The following NCALD variants were observed in gnomAD, a reference collection of about 807,000 sequenced individuals.
NCALD encodes neurocalcin-delta.
NCALD carries 10 observed loss-of-function variants against 18.6 expected under a neutral mutation model. The observed-to-expected ratio is 0.54, with a 90% confidence interval of 0.33 to 0.91. NCALD has a LOEUF of 0.91. Among genes scored for constraint, NCALD ranks in the 40% least tolerant of loss-of-function variants. The pLI is 0.03. For missense variants in NCALD, 184 were observed against 247.6 expected, an observed-to-expected ratio of 0.74 and a Z score of 1.72; for synonymous variants, 88 against 87.4, an observed-to-expected ratio of 1.01 and a Z score of -0.04.
intron 2 of NCALD, among the ~76,000 whole-genome samples, chr8:101,960,316 A>G (rs1819790426): frequency 6.6e-6 from 1 of 152,186 alleles, no homozygotes; most frequent in South Asian, 2.1e-4. Context: ...TACCCAGGGA[A>G]AAAATAAGTT....
intron 1 of NCALD, among the ~76,000 whole-genome samples, chr8:102,114,354 G>A (rs977024763): frequency 6.6e-6 from 1 of 152,192 alleles, no homozygotes; most frequent in Admixed American, 6.5e-5. Flanking sequence ...CTGTCCAAGG[G>A]TTACCAAATC....
chr8:101,941,052 C>T (rs1818938188), intron 2 of NCALD, among the ~76,000 whole-genome samples: 2 of 152,158 alleles, frequency 1.3e-5, no homozygotes, highest in Admixed American at 6.5e-5. Context: ...GAAATAATAA[C>T]AAATGTAATG....
chr8:101,858,465 T>C (rs1186992156), intron 4 of NCALD, among the ~76,000 whole-genome samples: 6 of 152,166 alleles, frequency 3.9e-5, no homozygotes, highest in Non-Finnish European at 8.8e-5. Flanking sequence ...ACCCCACAGC[T>C]AGGCAACTTC....
chr8:101,801,643 CTTTTTTTTTTTTTTTTTTTTTTTTTT>C (rs71268530), intron 4 of NCALD, among the ~76,000 whole-genome samples: 2,292 of 44,222 alleles, frequency 0.052, 101 homozygotes, highest in African/African-American at 0.11. Flanking sequence ...AGCACACTTA[CTTTTTTTTTTTTTTTTTTTTTTTTTT>C]TTTTTTTTTT....
chr8:101,885,069 G>C (rs145691134), intron 4 of NCALD, among the ~76,000 whole-genome samples: 239 of 152,272 alleles, frequency 1.6e-3, no homozygotes, highest in East Asian at 7.5e-3. Flanking sequence ...CTTTAGCTTA[G>C]AAAACTGCAG....
intron 2 of NCALD, among the ~76,000 whole-genome samples, chr8:101,952,336 C>T (rs1252577405): frequency 6.6e-6 from 1 of 152,228 alleles, no homozygotes; most frequent in Non-Finnish European, 1.5e-5. Flanking sequence ...TTACAAACTG[C>T]CTCTTCTCCG....
rs2275994 is a variant in NCALD, at chr8:101,688,002, C to T, written c.*1307G>A. 0.094 allele frequency: 14,359 copies of T among 152,284 alleles called. 745 individuals are homozygous for T. Among genetic ancestry groups the T allele is most frequent in the Middle Eastern group, 0.14 (40 of 294 alleles). The allele number at this position is 152,284 out of a possible 1,614,324, so 9.4% of individuals were successfully genotyped here. ...TATGATGAATTTGATGACTGCCCAA[C>T]CTCTGATTCTTTAACAGGGGCAGGG... On this transcript the variant is annotated 3_prime_UTR_variant, in exon 4 of 4. Transcript: ENST00000220931.
At chr8:101,804,898 G>A (rs1813043258) in intron 4 of NCALD, among the ~76,000 whole-genome samples, 1 of 151,174 alleles carries the variant, frequency 6.6e-6, no homozygotes, top group Admixed American at 6.6e-5. Flanking sequence ...TCTGAGAAAT[G>A]CCTGTACACT....
intron 2 of NCALD, among the ~76,000 whole-genome samples, chr8:101,965,679 G>A (rs1465130971): frequency 2.6e-5 from 4 of 152,036 alleles, no homozygotes; most frequent in African/African-American, 4.8e-5. Flanking sequence ...TGGGTTGATG[G>A]GTGCAGCAAA....
At position 101,845,608 on chromosome 8, in the gene NCALD, G is replaced by A. The variant is rs768374299; in HGVS notation, c.-20+41533C>T. Among the ~76,000 whole-genome samples the A allele has an allele frequency of 9.2e-5, 14 of 152,302 alleles. No homozygotes were observed. The South Asian group carries it at 1.7e-3, about 18-fold the overall frequency. ...TAATATTTTGATACAGGCATACAAC[G>A]TGTCATGGTAAAAGCTGGGTAATTG... On this transcript the variant is annotated intron_variant, in intron 4 of 6. Coordinates refer to the NCALD transcript ENST00000311028.
chr8:102,057,948 A>T (rs1471575455), intron 1 of NCALD, among the ~76,000 whole-genome samples: 1 of 152,224 alleles, frequency 6.6e-6, no homozygotes, highest in Non-Finnish European at 1.5e-5. Flanking sequence ...GTTACAGTCA[A>T]TTTAAAGTCC....
chr8:101,984,066 A>G (rs556651260), intron 2 of NCALD, among the ~76,000 whole-genome samples: 5 of 152,316 alleles, frequency 3.3e-5, no homozygotes, highest in African/African-American at 9.6e-5. Flanking sequence ...CAGTCTAGCA[A>G]TCTTCAGAAA....
chr8:101,936,904 G>A (rs1169592117), intron 2 of NCALD, among the ~76,000 whole-genome samples: 7 of 152,138 alleles, frequency 4.6e-5, no homozygotes, highest in Admixed American at 2.0e-4. Context: ...GGGAAACTGA[G>A]TTTTAAAAAT....
chr8:101,845,442 A>G (rs866587573), intron 4 of NCALD, among the ~76,000 whole-genome samples: 1 of 152,180 alleles, frequency 6.6e-6, no homozygotes, highest in African/African-American at 2.4e-5. Flanking sequence ...GCAGATGGAT[A>G]TTATGGGATG....
intron 2 of NCALD, among the ~76,000 whole-genome samples, chr8:101,700,747 T>C (rs1007887942): frequency 1.3e-5 from 2 of 152,326 alleles, no homozygotes; most frequent in Middle Eastern, 6.8e-3. Context: ...CTTCCAGTCT[T>C]GCTATTCAGT....
intron 4 of NCALD, among the ~76,000 whole-genome samples, chr8:101,825,791 C>T (rs1563804011): frequency 6.6e-6 from 1 of 152,152 alleles, no homozygotes; most frequent in Non-Finnish European, 1.5e-5. Context: ...ATACCATCTC[C>T]GTCTCAAGCA....
intron 2 of NCALD, among the ~76,000 whole-genome samples, chr8:101,982,092 C>T (rs952715441): frequency 1.3e-5 from 2 of 152,128 alleles, no homozygotes; most frequent in Non-Finnish European, 2.9e-5. Flanking sequence ...CCCCCTGTAC[C>T]GTCCACCATC....
chr8:102,062,531 AG>A (rs1412763546), intron 1 of NCALD, among the ~76,000 whole-genome samples: 1 of 152,198 alleles, frequency 6.6e-6, no homozygotes, highest in Non-Finnish European at 1.5e-5. Flanking sequence ...CACATGCTCC[AG>A]GGTGCGGCTA....
chr8:101,698,003 C>T (rs1196330114), intron 2 of NCALD, among the ~76,000 whole-genome samples: 4 of 151,846 alleles, frequency 2.6e-5, no homozygotes, highest in Admixed American at 1.3e-4. Flanking sequence ...CAAATTTTCT[C>T]TGCAGATGAC....
Sources: allele counts gnomAD v4.1 joint callset (sites outside exome capture counted in the v4.1 genomes callset), GRCh38; gene constraint gnomAD v4.1.1; transcripts MANE v1.5; gene names NCBI Gene and HGNC (gene_info 2026-07-23, HGNC 2026-07-21).